HNRNPC: variants seen among roughly 807,000 people sequenced by gnomAD.
HNRNPC encodes heterogeneous nuclear ribonucleoprotein C, also known as heterogeneous nuclear ribonucleoproteins C1/C2.
HNRNPC carries 3 observed loss-of-function variants against 33.2 expected under a neutral mutation model. That is an observed-to-expected ratio of 0.09 (90% CI 0.04 to 0.23). HNRNPC has a LOEUF of 0.23. Ranked by LOEUF, HNRNPC falls within the 10% of genes least tolerant of loss-of-function variation. The pLI is 1.00. For synonymous variants in HNRNPC, 121 were observed against 126.7 expected (o/e 0.96, Z 0.30); for missense variants, 143 against 366.7 (o/e 0.39, Z 4.98).
intron 6 of HNRNPC, among the ~76,000 whole-genome samples, chr14:21,212,717 T>C (rs559248344): frequency 1.3e-3 from 198 of 152,174 alleles, no homozygotes; most frequent in African/African-American, 4.3e-3. Flanking sequence ...AAATTTTTTG[T>C]ATTTTCGGTA....
At chr14:21,212,921 A>C in intron 6 of HNRNPC, 39 bp downstream of exon 6, 1 of 1,609,436 alleles carries the variant, frequency 6.2e-7, no homozygotes. Flanking sequence ...ATCTCAAAAC[A>C]CAAGAGATAC....
At chr14:21,231,406 G>C (rs1474850118) in intron 3 of HNRNPC, 1 of 468,246 alleles carries the variant, frequency 2.1e-6, no homozygotes, top group Admixed American at 2.3e-5. Context: ...ATACAAGCTG[G>C]AGTGCAGTGA....
chr14:21,269,436 C>G lies in HNRNPC; in HGVS notation c.-201G>C, dbSNP rs1879585220. The G allele has an allele frequency of 6.6e-6, 1 of 152,406 alleles. No homozygotes were observed. Among genetic ancestry groups the G allele is most frequent in the Admixed American group, 6.5e-5 (1 of 15,288 alleles). The allele number at this position is 152,406 out of a possible 1,614,324, so 9.4% of individuals were successfully genotyped here. A position where few individuals can be genotyped will look rare whatever the true frequency, so the allele number is the denominator to read the frequency against. ...TCTCTTCACAAAATGGCCCCCGAGT[C>G]TCCTCTGCCGCCGAGGCGAAGGCCT... On this transcript the variant is annotated 5_prime_UTR_variant, in exon 1 of 9. Coordinates refer to ENST00000553300, the MANE Select transcript of HNRNPC (RefSeq NM_004500.4).
At chr14:21,260,564 A>T (rs1272740407) in intron 2 of HNRNPC, among the ~76,000 whole-genome samples, 2 of 151,856 alleles carry the variant, frequency 1.3e-5, no homozygotes, top group African/African-American at 4.8e-5. Flanking sequence ...CACACCTGTG[A>T]TCCCAAAACT....
intron 2 of HNRNPC, among the ~76,000 whole-genome samples, chr14:21,248,350 ATG>A (rs780748538): frequency 1.3e-5 from 2 of 152,138 alleles, no homozygotes; most frequent in African/African-American, 2.4e-5. Flanking sequence ...GCCTAGACAC[ATG>A]TGTTTCAAGA....
intron 2 of HNRNPC, among the ~76,000 whole-genome samples, chr14:21,240,654 C>T (rs922192097): frequency 3.3e-5 from 5 of 152,126 alleles, no homozygotes; most frequent in Non-Finnish European, 7.4e-5. Context: ...TGATAGAGTT[C>T]AGGTCACAGG....
At chr14:21,262,875 AC>A (rs1190091929) in intron 2 of HNRNPC, 1 of 152,232 alleles carries the variant, frequency 6.6e-6, no homozygotes, top group African/African-American at 2.4e-5. Flanking sequence ...AAATAAAAAA[AC>A]AAAAATAAAA....
chr14:21,230,312 A>C lies in HNRNPC; in HGVS notation c.365+7T>G. On this transcript the variant is annotated splice_region_variant and intron_variant, in intron 5 of 8. Coordinates refer to ENST00000553300, the MANE Select transcript of HNRNPC (RefSeq NM_004500.4). ...GTTTAGCAGAAATACAAAACATTTT[A>C]ACATACCTATCATAATAGTCCCGTT... is the stretch of plus-strand genomic sequence containing the variant. 1 of 1,593,432 alleles carries C rather than the reference A, an allele frequency of 6.3e-7. No homozygotes were observed. The highest frequency in any genetic ancestry group is 1.1e-5 in the South Asian group (1 of 90,150).
intron 2 of HNRNPC, among the ~76,000 whole-genome samples, chr14:21,237,117 T>C (rs1235104514): frequency 6.6e-6 from 1 of 152,172 alleles, no homozygotes; most frequent in African/African-American, 2.4e-5. Flanking sequence ...TCAATAAAAA[T>C]GTGTGAAGGT....
rs748715442 is a variant in HNRNPC at position 21,231,011 on chromosome 14, T to G, written c.303A>C (p.Ala101=). ...CTGTTACTGACCCGTACATCTCCGC[T>G]GCAGATCGTTTCACACCTGCTTTTC... ...NRGKAGVKRS[A]AEMYGSSFDL... is the part of the protein sequence containing the mutation. The change falls in exon 4 of 9, where the codon GCA becomes GCC. Residue 101 remains alanine (A), a synonymous_variant. Coordinates refer to ENST00000553300, the MANE Select transcript of HNRNPC (RefSeq NM_004500.4). The G allele has an allele frequency of 6.2e-7, 1 of 1,614,234 alleles. No homozygotes were observed. The highest frequency in any genetic ancestry group is 8.5e-7 in the Non-Finnish European group (1 of 1,180,034).
chr14:21,235,524 T>G, intron 2 of HNRNPC, among the ~76,000 whole-genome samples: 1 of 152,200 alleles, frequency 6.6e-6, no homozygotes, highest in East Asian at 1.9e-4. Flanking sequence ...TCCAAATCTT[T>G]CTGAAATTCA....
intron 5 of HNRNPC, among the ~76,000 whole-genome samples, chr14:21,214,361 T>C (rs1437167056): frequency 1.3e-5 from 2 of 152,228 alleles, no homozygotes; most frequent in African/African-American, 4.8e-5. Flanking sequence ...ATTTACAAGA[T>C]CTCATTGCTA....
At chr14:21,226,341 A>G (rs1389939330) in intron 5 of HNRNPC, among the ~76,000 whole-genome samples, 16 of 151,638 alleles carry the variant, frequency 1.1e-4, no homozygotes, top group African/African-American at 3.6e-4. Flanking sequence ...AAAAAAAAAA[A>G]AAAAGAAAGA....
intron 5 of HNRNPC, among the ~76,000 whole-genome samples, chr14:21,227,711 T>C (rs1051369309): frequency 6.6e-6 from 1 of 152,216 alleles, no homozygotes; most frequent in Admixed American, 6.5e-5. Context: ...CCAAATTCCC[T>C]GCTCAAATTT....
chr14:21,223,022 AG>A (rs1400636774), intron 5 of HNRNPC, among the ~76,000 whole-genome samples: 1 of 152,108 alleles, frequency 6.6e-6, no homozygotes, highest in Non-Finnish European at 1.5e-5. Context: ...AACACGGTGA[AG>A]CCCCATCTCT....
At chr14:21,263,637 C>T (rs1337484708) in intron 1 of HNRNPC, 3 of 151,890 alleles carry the variant, frequency 2.0e-5, no homozygotes, top group Non-Finnish European at 4.4e-5. Context: ...ATCCAGGTCC[C>T]GGTTTTGGAA....
chr14:21,248,978 G>T (rs960642840), intron 2 of HNRNPC, among the ~76,000 whole-genome samples: 1 of 152,204 alleles, frequency 6.6e-6, no homozygotes, highest in South Asian at 2.1e-4. Context: ...CAATTTAAAT[G>T]ACACGTGACA....
Position 21,209,210 on chromosome 14 carries a change from G to T in HNRNPC, c.*2013C>A, listed in dbSNP as rs1342547071. On this transcript the variant is annotated 3_prime_UTR_variant, in exon 9 of 9. Transcript: ENST00000553300. ...AAAATATACAGGAGAATATGCATAG[G>T]TTACATATAAATACTATGCCATTTT... 1.3e-5 allele frequency: 2 copies of T among 152,154 alleles called. No homozygotes were observed. Among genetic ancestry groups the T allele is most frequent in the African/African-American group, 4.8e-5 (2 of 41,444 alleles). The allele number at this position is 152,154 out of a possible 1,614,324, so 9.4% of individuals were successfully genotyped here. A position where few individuals can be genotyped will look rare whatever the true frequency, so the allele number is the denominator to read the frequency against.
At chr14:21,245,434 T>C (rs1037295020) in intron 2 of HNRNPC, among the ~76,000 whole-genome samples, 1 of 151,846 alleles carries the variant, frequency 6.6e-6, no homozygotes, top group Non-Finnish European at 1.5e-5. Context: ...GGGGTGGAGG[T>C]TGCAGTGGGC....
Sources: gnomAD v4.1 joint callset for allele counts (sites outside exome capture counted in the v4.1 genomes callset) on GRCh38, gnomAD v4.1.1 for gene constraint, MANE v1.5 for transcripts, NCBI Gene and HGNC (gene_info 2026-07-23, HGNC 2026-07-21) for gene names.